Variants in PAPPA observed in about 807,000 individuals in gnomAD.
The protein encoded by PAPPA is pappalysin-1.
A neutral mutation model predicts 164.0 loss-of-function variants in PAPPA; 60 were observed. The ratio of observed to expected loss-of-function variants is 0.37; its 90% CI spans 0.30 to 0.45. The LOEUF is 0.45. PAPPA is among the 20% of genes least tolerant of loss of function. The probability of loss-of-function intolerance (pLI) is 1.00; values close to 1 mark genes in which losing one functional copy is unlikely to be tolerated. For synonymous variants in PAPPA, 875 were observed against 814.1 expected, an observed-to-expected ratio of 1.07 and a Z score of -1.27; for missense variants, 1,782 against 2,087.3, an observed-to-expected ratio of 0.85 and a Z score of 2.85.
At chr9:116,379,128 C>T (rs1354418487) in intron 20 of PAPPA, among the ~76,000 whole-genome samples, 1 of 152,212 alleles carries the variant, frequency 6.6e-6, no homozygotes, top group Non-Finnish European at 1.5e-5. Context: ...CCTCCTTGGA[C>T]TCAGCAGTGA....
chr9:116,167,028 G>C (rs1227194343), intron 1 of PAPPA, among the ~76,000 whole-genome samples: 2 of 152,202 alleles, frequency 1.3e-5, no homozygotes, highest in African/African-American at 4.8e-5. Context: ...ATTTCAAAAA[G>C]ATTGGCTAAG....
At chr9:116,307,353 G>A (rs150974353) in intron 10 of PAPPA, among the ~76,000 whole-genome samples, 9 of 152,138 alleles carry the variant, frequency 5.9e-5, no homozygotes, top group Non-Finnish European at 1.0e-4. Flanking sequence ...TAATTCCAGC[G>A]CTTTGGGAGG....
At chr9:116,256,704 A>G (rs1039409277) in intron 7 of PAPPA, among the ~76,000 whole-genome samples, 23 of 151,986 alleles carry the variant, frequency 1.5e-4, no homozygotes, top group Non-Finnish European at 1.5e-4. Flanking sequence ...CTGAAAATAT[A>G]TAAGTCAATG....
chr9:116,312,937 G>C (rs931270637), intron 10 of PAPPA, among the ~76,000 whole-genome samples: 1 of 151,994 alleles, frequency 6.6e-6, no homozygotes, highest in Admixed American at 6.5e-5. Flanking sequence ...CAAAAAATTA[G>C]CTGGGCGTGG....
intron 1 of PAPPA, among the ~76,000 whole-genome samples, chr9:116,163,865 G>C (rs989543274): frequency 9.9e-5 from 15 of 152,120 alleles, no homozygotes; most frequent in Admixed American, 9.8e-4. Flanking sequence ...AAAGCTTTGT[G>C]TCACAAAGCA....
rs1245735240 is a variant in PAPPA, at chr9:116,288,652, T to C, written c.2954-14105T>C. The C allele has an allele frequency of 8.5e-5, 13 of 152,132 alleles. No individual in the cohort carries two copies. In the East Asian group the frequency reaches 2.5e-3, roughly 29 times the overall value. The allele number at this position is 152,132 out of a possible 1,614,324, so 9.4% of individuals were successfully genotyped here. The stretch of plus-strand genomic sequence containing the variant: ...TAAGGGCTGAAGAGTAACCCATTCA[T>C]TACATAAGAAAAAGAAAACTTACCC... On this transcript the variant is annotated intron_variant, in intron 9 of 21. Transcript: ENST00000328252.
chr9:116,386,544 T>C (rs1248695792), intron 21 of PAPPA, among the ~76,000 whole-genome samples: 1 of 152,170 alleles, frequency 6.6e-6, no homozygotes, highest in Non-Finnish European at 1.5e-5. Flanking sequence ...TTAGAGTACA[T>C]ATGGGACTTG....
intron 7 of PAPPA, among the ~76,000 whole-genome samples, chr9:116,251,602 C>T (rs929118117): frequency 6.6e-6 from 1 of 152,220 alleles, no homozygotes; most frequent in Non-Finnish European, 1.5e-5. Flanking sequence ...TCGATTTTCA[C>T]ACTCTGCAGC....
intron 19 of PAPPA, among the ~76,000 whole-genome samples, chr9:116,371,317 T>TGAGACAGGAGAATCGCTTG (rs1846570876): frequency 6.6e-6 from 1 of 152,132 alleles, no homozygotes; most frequent in Admixed American, 6.5e-5. Flanking sequence ...CTCGGGAAGC[T>TGAGACAGGAGAATCGCTTG]GAGACAGGAG....
At chr9:116,304,114 C>T (rs1314647276) in intron 10 of PAPPA, among the ~76,000 whole-genome samples, 5 of 152,128 alleles carry the variant, frequency 3.3e-5, no homozygotes, top group Non-Finnish European at 4.4e-5. Flanking sequence ...CCCTGTGCCA[C>T]GTCTGTACTT....
At chr9:116,385,234 AAAATAAATAAATAAATAAAT>A (rs142801371) in intron 21 of PAPPA, among the ~76,000 whole-genome samples, 45,344 of 139,394 alleles carry the variant, frequency 0.33, 8,073 homozygotes, top group African/African-American at 0.46. Flanking sequence ...ACTCCATCTC[AAAATAAATAAATAAATAAAT>A]AAATAAATAA....
intron 13 of PAPPA, among the ~76,000 whole-genome samples, chr9:116,339,626 T>C (rs1410195724): frequency 6.6e-6 from 1 of 152,200 alleles, no homozygotes; most frequent in Non-Finnish European, 1.5e-5. Flanking sequence ...TGTGGAGCAC[T>C]TGTCTTTTTT....
chr9:116,214,392 A>C (rs1844345986), intron 4 of PAPPA, among the ~76,000 whole-genome samples: 1 of 152,184 alleles, frequency 6.6e-6, no homozygotes, highest in Non-Finnish European at 1.5e-5. Flanking sequence ...CAGATGCAGA[A>C]AATGTGGTTC....
intron 7 of PAPPA, among the ~76,000 whole-genome samples, chr9:116,256,674 A>C (rs1844931390): frequency 6.6e-6 from 1 of 152,014 alleles, no homozygotes; most frequent in Non-Finnish European, 1.5e-5. Context: ...TTACAACCTG[A>C]ATTTATGAAA....
chr9:116,154,060 G>A lies in PAPPA; in HGVS notation c.-113G>A, dbSNP rs77145468. 2.5e-5 allele frequency: 29 copies of A among 1,145,090 alleles called. No individual in the cohort carries two copies. Among genetic ancestry groups the A allele is most frequent in the Admixed American group, 4.6e-5 (1 of 21,752 alleles). 70.9% of individuals were successfully genotyped at this position (1,145,090 alleles called of 1,614,324 possible). On this transcript the variant is annotated 5_prime_UTR_variant, in exon 1 of 22. Coordinates refer to ENST00000328252, the MANE Select transcript of PAPPA (RefSeq NM_002581.5). The surrounding 1 kb of genome is among the most constrained non-coding windows in gnomAD (Gnocchi z 5.2). The stretch of plus-strand genomic sequence containing the variant: ...AAGAAAAAAGCAAGTGGAAAGGGGG[G>A]CTCGCCCAAGAAGGGTGAAGAAGCG...
intron 9 of PAPPA, among the ~76,000 whole-genome samples, chr9:116,295,450 A>C (rs775381267): frequency 6.6e-6 from 1 of 150,470 alleles, no homozygotes; most frequent in Non-Finnish European, 1.5e-5. Flanking sequence ...GCTACTCAGG[A>C]GGCTGAGGCA....
chr9:116,362,865 A>T (rs1846447954), intron 18 of PAPPA, 126 bp downstream of exon 18: 3 of 866,720 alleles, frequency 3.5e-6, no homozygotes, highest in Non-Finnish European at 5.2e-6. Context: ...ACAGAAAGAG[A>T]GATGAATTAG....
chr9:116,400,438 G>A lies in PAPPA; in HGVS notation c.*3822G>A, dbSNP rs1008752782. The A allele has an allele frequency of 6.6e-6, 1 of 152,012 alleles. No homozygotes were observed. The highest frequency in any genetic ancestry group is 2.4e-5 in the African/African-American group (1 of 41,378). The allele number at this position is 152,012 out of a possible 1,614,324, so 9.4% of individuals were successfully genotyped here. ...GGTGGGCATTTTGTTTATTTGTTTG[G>A]TGGCAATCAGTGGTAGTAGGGAGTG... On this transcript the variant is annotated 3_prime_UTR_variant, in exon 22 of 22. Coordinates refer to ENST00000328252, the MANE Select transcript of PAPPA (RefSeq NM_002581.5).
At chr9:116,253,049 T>C (rs947749275) in intron 7 of PAPPA, among the ~76,000 whole-genome samples, 1 of 152,184 alleles carries the variant, frequency 6.6e-6, no homozygotes, top group African/African-American at 2.4e-5. Context: ...TTGAAGCACT[T>C]AACATACACC....
Sources: gnomAD v4.1 joint callset for allele counts (sites outside exome capture counted in the v4.1 genomes callset) on GRCh38, gnomAD v4.1.1 for gene constraint, Gnocchi (gnomAD v3.1) non-coding constraint, MANE v1.5 for transcripts, NCBI Gene and HGNC (gene_info 2026-07-23, HGNC 2026-07-21) for gene names.